The following KIAA1217 variants were observed in gnomAD, a reference collection of about 807,000 sequenced individuals.
The protein encoded by KIAA1217 is KIAA1217, also known as sickle tail protein homolog.
KIAA1217 carries 88 observed loss-of-function variants against 163.9 expected under a neutral mutation model. The observed-to-expected ratio is 0.54, with a 90% CI of 0.45 to 0.64. KIAA1217 has a LOEUF of 0.64. KIAA1217 is among the 30% of genes least tolerant of loss of function. The pLI, the probability that KIAA1217 is intolerant of heterozygous loss-of-function variation, is 0.00. For synonymous variants in KIAA1217, 903 were observed against 923.1 expected (o/e 0.98, Z 0.39); for missense variants, 2,372 against 2,475.0 (o/e 0.96, Z 0.88).
At chr10:23,802,312 G>T (rs1223119668) in intron 1 of KIAA1217, among the ~76,000 whole-genome samples, 1 of 152,202 alleles carries the variant, frequency 6.6e-6, no homozygotes, top group African/African-American at 2.4e-5. Flanking sequence ...TGATGAAAGA[G>T]TGATTGAGGG....
chr10:24,333,001 G>T (rs1307588140), intron 2 of KIAA1217, among the ~76,000 whole-genome samples: 1 of 152,038 alleles, frequency 6.6e-6, no homozygotes, highest in Non-Finnish European at 1.5e-5. Context: ...GAAGGGCAGG[G>T]CAGAGTATGT....
chr10:23,995,837 A>G (rs1392602259), intron 1 of KIAA1217, among the ~76,000 whole-genome samples: 4 of 152,150 alleles, frequency 2.6e-5, no homozygotes, highest in Non-Finnish European at 5.9e-5. Context: ...GGTTAAGCGT[A>G]TGGCTGAACA....
intron 1 of KIAA1217, among the ~76,000 whole-genome samples, chr10:23,770,733 G>A (rs1834760709): frequency 6.6e-6 from 1 of 152,148 alleles, no homozygotes. Context: ...TTCCCCCAAA[G>A]CAATGTAACA....
chr10:23,889,711 G>T (rs1035622539), intron 1 of KIAA1217, among the ~76,000 whole-genome samples: 1 of 123,864 alleles, frequency 8.1e-6, no homozygotes, highest in Non-Finnish European at 1.7e-5. Flanking sequence ...TTTATGGCTA[G>T]TGTTTTCATT....
chr10:24,244,824 C>CA (rs2073581779), intron 2 of KIAA1217, among the ~76,000 whole-genome samples: 1 of 152,092 alleles, frequency 6.6e-6, no homozygotes, highest in Non-Finnish European at 1.5e-5. Flanking sequence ...CTCATCCTCT[C>CA]AAAGTGCTGG....
chr10:24,388,336 C>A (rs192936156), intron 3 of KIAA1217, among the ~76,000 whole-genome samples: 1 of 151,936 alleles, frequency 6.6e-6, no homozygotes, highest in Non-Finnish European at 1.5e-5. Context: ...TAAATGGTGC[C>A]GGGAAAACTG....
At chr10:23,983,995 A>G (rs1845872260) in intron 1 of KIAA1217, among the ~76,000 whole-genome samples, 1 of 152,224 alleles carries the variant, frequency 6.6e-6, no homozygotes, top group South Asian at 2.1e-4. Flanking sequence ...AAAACCCAAA[A>G]CAATCCCATT....
At chr10:23,977,105 AT>A (rs1446905618) in intron 1 of KIAA1217, among the ~76,000 whole-genome samples, 1 of 152,202 alleles carries the variant, frequency 6.6e-6, no homozygotes, top group African/African-American at 2.4e-5. Context: ...CCTTAAAAAA[AT>A]GTTATCTCTA....
chr10:24,542,628 T>G (rs754910855), intron 17 of KIAA1217, 65 bp from the exon 18 acceptor site: 8 of 1,590,576 alleles, frequency 5.0e-6, no homozygotes. Context: ...AACGATTTAG[T>G]TATAGTCCAC....
At chr10:24,203,068 T>C (rs1188523109) in intron 2 of KIAA1217, among the ~76,000 whole-genome samples, 3 of 151,668 alleles carry the variant, frequency 2.0e-5, no homozygotes, top group Non-Finnish European at 4.4e-5. Flanking sequence ...AGTGTGCCTG[T>C]AGTCCCAGCT....
At chr10:24,450,299 C>T (rs1016809615) in intron 5 of KIAA1217, among the ~76,000 whole-genome samples, 20 of 152,132 alleles carry the variant, frequency 1.3e-4, no homozygotes, top group African/African-American at 4.3e-4. Flanking sequence ...TTATCCTGGT[C>T]TTGAAAAAAT....
rs146008790 is a variant in KIAA1217, at chr10:23,744,721, G to A, written c.-321+49487G>A. On this transcript the variant is annotated intron_variant, in intron 1 of 18. Transcript: ENST00000376462. ...TGCAGAGAAACAGAACCAATAGGAT[G>A]TACTTGTATGTCAAAAGATTTATTT... 1.2e-4 allele frequency among the ~76,000 whole-genome samples: 19 copies of A among 152,314 alleles called. No homozygotes were observed. The East Asian group carries it at 3.5e-3, about 28-fold the overall frequency.
At chr10:24,131,427 A>G (rs761031773) in intron 2 of KIAA1217, among the ~76,000 whole-genome samples, 1 of 152,184 alleles carries the variant, frequency 6.6e-6, no homozygotes, top group Admixed American at 6.5e-5. Context: ...TGGAGAAAAC[A>G]TTTTCACAAA....
chr10:24,147,449 T>C lies in KIAA1217; in HGVS notation c.-170-72177T>C, dbSNP rs1008018352. ...AGAGGCCAGTTAATATATCTGAGTT[T>C]TAGAGAGTAGATTGTCCAACAGATG... is the stretch of plus-strand genomic sequence containing the variant. On this transcript the variant is annotated intron_variant, in intron 2 of 18. Coordinates refer to the KIAA1217 transcript ENST00000376462. Among the ~76,000 whole-genome samples, 8 of 152,132 alleles carry C rather than the reference T, an allele frequency of 5.3e-5. No individual in the cohort carries two copies. In the East Asian group the frequency reaches 1.5e-3, roughly 29 times the overall value.
chr10:24,403,624 G>C (rs978036462), intron 3 of KIAA1217, among the ~76,000 whole-genome samples: 3 of 152,142 alleles, frequency 2.0e-5, no homozygotes, highest in Non-Finnish European at 4.4e-5. Context: ...CCAGTATCTA[G>C]AATATATAAA....
At position 24,536,622 on chromosome 10, in the gene KIAA1217, G is replaced by A. The variant is rs1592752156; in HGVS notation, c.3415-152G>A. ...GCTTTGTCAACATGAGAGCACGTGA[G>A]GAGCAGGATTTCAGGGTGCTGCCTC... On this transcript the variant is annotated intron_variant, in intron 16 of 20. Transcript: ENST00000376454. 7.7e-6 allele frequency: 5 copies of A among 652,912 alleles called. No individual in the cohort carries two copies. The East Asian group carries it at 1.2e-4, about 15-fold the overall frequency. 40.4% of individuals were successfully genotyped at this position (652,912 alleles called of 1,614,324 possible).
At chr10:24,526,662 G>C (rs184470154) in intron 13 of KIAA1217, among the ~76,000 whole-genome samples, 73 of 152,210 alleles carry the variant, frequency 4.8e-4, no homozygotes, top group Admixed American at 4.1e-3. Context: ...CTGACAAATG[G>C]GGTGAGCTTT....
chr10:24,183,012 A>G (rs1168168213), intron 2 of KIAA1217, among the ~76,000 whole-genome samples: 1 of 152,238 alleles, frequency 6.6e-6, no homozygotes, highest in Non-Finnish European at 1.5e-5. Context: ...TGAAAGGCTT[A>G]GTGCCATTCT....
At chr10:23,784,613 T>A (rs1304031694) in intron 1 of KIAA1217, among the ~76,000 whole-genome samples, 1 of 152,204 alleles carries the variant, frequency 6.6e-6, no homozygotes, top group Admixed American at 6.5e-5. Flanking sequence ...TTTTATCTTT[T>A]GTGCATTTAG....
Sources: allele counts gnomAD v4.1 joint callset (sites outside exome capture counted in the v4.1 genomes callset), GRCh38; gene constraint gnomAD v4.1.1; transcripts MANE v1.5; gene names NCBI Gene and HGNC (gene_info 2026-07-23, HGNC 2026-07-21).